Variants in COL5A2 observed in about 807,000 individuals in gnomAD.
COL5A2 encodes collagen type V alpha 2 chain, also known as collagen alpha-2(V) chain.
In COL5A2, 23 loss-of-function variants were observed where a neutral mutation model predicts 208.2. That is an observed-to-expected ratio of 0.11 (90% CI 0.08 to 0.16). COL5A2 has a LOEUF of 0.16. Among genes scored for constraint, COL5A2 ranks in the 10% least tolerant of loss-of-function variants. The pLI is 1.00. For synonymous variants in COL5A2, 625 were observed against 628.5 expected (o/e 0.99, Z 0.08); for missense variants, 1,590 against 1,956.4 (o/e 0.81, Z 3.53).
intron 1 of COL5A2, among the ~76,000 whole-genome samples, chr2:189,121,105 G>A (rs184760303): frequency 1.8e-3 from 279 of 151,998 alleles, no homozygotes; most frequent in African/African-American, 6.1e-3. Flanking sequence ...GGTTGTTGTG[G>A]GAACATGTAG....
chr2:189,184,839 A>G (rs1688828614), upstream of COL5A2, among the ~76,000 whole-genome samples: 1 of 152,172 alleles, frequency 6.6e-6, no homozygotes, highest in South Asian at 2.1e-4. Flanking sequence ...TGTACCATAG[A>G]CAGAAATAAA....
At chr2:189,212,092 C>G (rs866939057) in intron 1 of COL5A2, among the ~76,000 whole-genome samples, 1 of 152,134 alleles carries the variant, frequency 6.6e-6, no homozygotes. Context: ...TTATCACTTA[C>G]GTTGTTTAGA....
chr2:189,123,087 C>T (rs1687539742), intron 1 of COL5A2, among the ~76,000 whole-genome samples: 1 of 152,172 alleles, frequency 6.6e-6, no homozygotes, highest in South Asian at 2.1e-4. Context: ...ACCTCAACCT[C>T]CCGAGTAGCT....
At chr2:189,106,337 T>C (rs1687148292) in intron 2 of COL5A2, among the ~76,000 whole-genome samples, 1 of 151,456 alleles carries the variant, frequency 6.6e-6, no homozygotes, top group South Asian at 2.1e-4. Flanking sequence ...TTGTGTTAAG[T>C]TATCCTTAAG....
the COL5A2 span, among the ~76,000 whole-genome samples, chr2:189,406,768 C>T: frequency 6.6e-6 from 1 of 152,042 alleles, no homozygotes; most frequent in Non-Finnish European, 1.5e-5. Context: ...ACTAGAGTTT[C>T]CAAGGTGTGG....
chr2:189,403,858 G>A, the COL5A2 span, among the ~76,000 whole-genome samples: 5 of 152,200 alleles, frequency 3.3e-5, no homozygotes, highest in East Asian at 1.9e-4. Context: ...TCAGCCTCCC[G>A]AGTAGCTGGG....
chr2:189,376,146 A>G, the COL5A2 span, among the ~76,000 whole-genome samples: 1 of 152,226 alleles, frequency 6.6e-6, no homozygotes, highest in Admixed American at 6.5e-5. Context: ...AAATTCTTTT[A>G]AAAAATACTT....
the COL5A2 span, among the ~76,000 whole-genome samples, chr2:189,246,918 T>C: frequency 6.6e-6 from 1 of 152,194 alleles, no homozygotes; most frequent in Non-Finnish European, 1.5e-5. Flanking sequence ...AAGAGAAGAC[T>C]GTGTAATAAC....
the COL5A2 span, among the ~76,000 whole-genome samples, chr2:189,374,166 TTATAG>T: frequency 6.6e-6 from 1 of 152,168 alleles, no homozygotes; most frequent in Non-Finnish European, 1.5e-5. Context: ...TATAAAAATA[TTATAG>T]TAGGAAAAAT....
At chr2:189,435,872 G>A in the COL5A2 span, among the ~76,000 whole-genome samples, 4 of 152,140 alleles carry the variant, frequency 2.6e-5, no homozygotes, top group East Asian at 3.9e-4. Flanking sequence ...AAAGACACAC[G>A]CACACGTTAT....
the COL5A2 span, among the ~76,000 whole-genome samples, chr2:189,240,213 A>C: frequency 7.2e-5 from 11 of 152,216 alleles, no homozygotes; most frequent in Non-Finnish European, 1.5e-5. Flanking sequence ...TTGGTGGCTT[A>C]AACAGCAAAC....
the COL5A2 span, among the ~76,000 whole-genome samples, chr2:189,414,802 ACTC>A: frequency 1.9e-4 from 28 of 150,744 alleles, no homozygotes; most frequent in Admixed American, 5.3e-4. Context: ...AGAGTCTTCT[ACTC>A]CTCAATGACT....
At position 189,146,576 on chromosome 2, in the gene COL5A2, G is replaced by A. The variant is rs149095596; in HGVS notation, c.97+32932C>T. Among the ~76,000 whole-genome samples, 925 of 151,960 alleles carry A rather than the reference G, an allele frequency of 6.1e-3. 13 individuals carry two copies. The highest frequency in any genetic ancestry group is 0.02 in the African/African-American group (817 of 41,456). ...TCAAAATGATTAAGCCTAGCATTTG[G>A]CAAGAAAAAAGGAATGCCATATAAA... is the stretch of plus-strand genomic sequence containing the variant. On this transcript the variant is annotated intron_variant, in intron 1 of 53. Transcript: ENST00000374866.
At chr2:189,093,728 CT>C (rs1428010153) in intron 6 of COL5A2, among the ~76,000 whole-genome samples, 1 of 152,120 alleles carries the variant, frequency 6.6e-6, no homozygotes, top group African/African-American at 2.4e-5. Flanking sequence ...ACTTTTCTGA[CT>C]CCTAAACTAC....
At chr2:189,321,403 T>C in the COL5A2 span, among the ~76,000 whole-genome samples, 1 of 152,208 alleles carries the variant, frequency 6.6e-6, no homozygotes, top group African/African-American at 2.4e-5. Flanking sequence ...CCCATCAGTG[T>C]GCTGTATTCA....
the COL5A2 span, among the ~76,000 whole-genome samples, chr2:189,432,611 A>G: frequency 6.6e-6 from 1 of 152,246 alleles, no homozygotes; most frequent in African/African-American, 2.4e-5. Flanking sequence ...TAAAGGGATC[A>G]AATCAACAAG....
chr2:189,214,969 C>A (rs1689260450), intron 1 of COL5A2, among the ~76,000 whole-genome samples: 1 of 152,112 alleles, frequency 6.6e-6, no homozygotes, highest in Non-Finnish European at 1.5e-5. Context: ...CAGGAACTTC[C>A]TGTGAGTTAA....
At chr2:189,086,336 ATCTTGAT>A (rs1207862911) in intron 9 of COL5A2, among the ~76,000 whole-genome samples, 1 of 152,206 alleles carries the variant, frequency 6.6e-6, no homozygotes, top group African/African-American at 2.4e-5. Context: ...TGGAACAAAC[ATCTTGAT>A]TCTTATTTCT....
At chr2:189,128,644 G>A (rs1435083299) in intron 1 of COL5A2, among the ~76,000 whole-genome samples, 3 of 151,858 alleles carry the variant, frequency 2.0e-5, no homozygotes, top group Admixed American at 2.0e-4. Context: ...CTGGAAACTT[G>A]TATTTTTTAG....
Sources: allele counts gnomAD v4.1 joint callset (sites outside exome capture counted in the v4.1 genomes callset), GRCh38; gene constraint gnomAD v4.1.1; transcripts MANE v1.5; gene names NCBI Gene and HGNC (gene_info 2026-07-23, HGNC 2026-07-21).